The following SNX5 variants were observed in gnomAD, a reference collection of about 807,000 sequenced individuals.
The protein encoded by SNX5 is sorting nexin-5.
In SNX5, 31 loss-of-function variants were observed where a neutral mutation model predicts 53.9. That is an observed-to-expected ratio of 0.58 (90% CI 0.43 to 0.78). SNX5 has a LOEUF of 0.78. Among genes scored for constraint, SNX5 ranks in the 30% least tolerant of loss-of-function variants. The pLI is 0.00. For synonymous variants in SNX5, 168 were observed against 171.1 expected (o/e 0.98, Z 0.14); for missense variants, 471 against 478.8 (o/e 0.98, Z 0.15).
Position 17,942,310 on chromosome 20 carries a change from C to T in SNX5, c.*47G>A. ...GGTAATGATTTAAGTGCAAGTGATG[C>T]TTGGCTTTCTTTCACATTCATTTCT... On this transcript the variant is annotated 3_prime_UTR_variant, in exon 13 of 13. Transcript: ENST00000377759. The T allele has an allele frequency of 1.6e-6, 2 of 1,263,368 alleles. No individual in the cohort carries two copies. The highest frequency in any genetic ancestry group is 4.6e-5 in the East Asian group (2 of 43,216). 78.3% of individuals were successfully genotyped at this position (1,263,368 alleles called of 1,614,324 possible).
intron 11 of SNX5, 23 bp from the exon 12 acceptor site, chr20:17,943,218 T>C (rs779906522): frequency 4.0e-6 from 6 of 1,499,096 alleles, no homozygotes; most frequent in Middle Eastern, 1.7e-4. Flanking sequence ...AAAATGTTTA[T>C]GAAACCAAGA....
chr20:17,956,844 T>C (rs1042184080), intron 2 of SNX5, 89 bp downstream of exon 2: 2 of 767,116 alleles, frequency 2.6e-6, no homozygotes, highest in Non-Finnish European at 4.8e-6. Context: ...TAGCAACTGT[T>C]TCAAGCTCAG....
intron 1 of SNX5, chr20:17,961,457 G>A: frequency 1.0e-6 from 1 of 985,354 alleles, no homozygotes; most frequent in Non-Finnish European, 1.2e-6. Context: ...GTCCAAAGAA[G>A]TGAAACTCCA....
intron 11 of SNX5, chr20:17,947,006 A>T (rs1044632814): frequency 6.6e-6 from 1 of 152,604 alleles, no homozygotes; most frequent in South Asian, 2.1e-4. Context: ...TTGTAAAGAG[A>T]TTCTCTAAAA....
chr20:17,946,295 A>T (rs2122348854), intron 11 of SNX5, among the ~76,000 whole-genome samples: 1 of 152,346 alleles, frequency 6.6e-6, no homozygotes, highest in East Asian at 1.9e-4. Flanking sequence ...AGATACCCCG[A>T]AACGATGAGC....
At chr20:17,961,940 G>C in intron 1 of SNX5, 1 of 981,242 alleles carries the variant, frequency 1.0e-6, no homozygotes, top group Non-Finnish European at 1.2e-6. Context: ...AAGATGTTCT[G>C]TCACACTCTA....
rs59252584 is a variant in SNX5 at position 17,956,673 on chromosome 20, C to CAAA, written c.156+257_156+259dup. 7.6e-3 allele frequency among the ~76,000 whole-genome samples: 648 copies of CAAA among 84,776 alleles called. 23 individuals carry two copies. Among genetic ancestry groups the CAAA allele is most frequent in the Non-Finnish European group, 9.5e-3 (432 of 45,518 alleles). The allele number at this position is 84,776 out of a possible 152,430, so 55.6% of individuals were successfully genotyped here. ...CTGGGCAACACAATGAGACTGTCTC[C>CAAA]AAAAAAAAAAAAAAAAAAAAAAAAA... On this transcript the variant is annotated intron_variant, in intron 2 of 12. Coordinates refer to ENST00000377759, the MANE Select transcript of SNX5 (RefSeq NM_014426.4).
At chr20:17,958,181 CT>C (rs762983482) in intron 1 of SNX5, among the ~76,000 whole-genome samples, 1 of 152,162 alleles carries the variant, frequency 6.6e-6, no homozygotes, top group Non-Finnish European at 1.5e-5. Context: ...TGCCCCATTC[CT>C]TTTACTGTAA....
At chr20:17,961,185 G>A (rs2035442081) in intron 1 of SNX5, 26 of 985,396 alleles carry the variant, frequency 2.6e-5, no homozygotes, top group Non-Finnish European at 3.1e-5. Context: ...ACTGGCTGCA[G>A]GACAACCCTG....
rs1206324660 is a variant in SNX5, at chr20:17,951,347, T to C, written c.609+153A>G. The stretch of plus-strand genomic sequence containing the variant: ...GGTGCTCTGGGAAATAAGTGAAAAT[T>C]GAATAAGTAGATGAAAATTACCAAA... On this transcript the variant is annotated intron_variant, in intron 6 of 12. Transcript: ENST00000377759. 4 of 607,044 alleles carry C rather than the reference T, an allele frequency of 6.6e-6. No homozygotes were observed. The African/African-American group carries it at 7.4e-5, about 11-fold the overall frequency. 37.6% of individuals were successfully genotyped at this position (607,044 alleles called of 1,614,324 possible).
At chr20:17,962,433 G>A (rs944081060) in intron 1 of SNX5, among the ~76,000 whole-genome samples, 1 of 151,772 alleles carries the variant, frequency 6.6e-6, no homozygotes, top group African/African-American at 2.4e-5. Flanking sequence ...TCTAACTCCT[G>A]ACCTCGTGAT....
At chr20:17,947,930 A>G (rs1245392178) in intron 10 of SNX5, among the ~76,000 whole-genome samples, 1 of 152,264 alleles carries the variant, frequency 6.6e-6, no homozygotes, top group African/African-American at 2.4e-5. Context: ...AACTTTAAAA[A>G]TTAAATATTG....
chr20:17,957,432 CAA>C (rs11476332), intron 1 of SNX5, among the ~76,000 whole-genome samples: 142 of 118,990 alleles, frequency 1.2e-3, no homozygotes, highest in East Asian at 3.6e-3. Context: ...GAAACTGTCT[CAA>C]AAAAAAAAAA....
Position 17,948,880 on chromosome 20 carries a change from C to T in SNX5, c.918+10G>A, listed in dbSNP as rs892648234. On this transcript the variant is annotated intron_variant, in intron 10 of 12. Transcript: ENST00000377759. The stretch of plus-strand genomic sequence containing the variant: ...CACTGCTCTGAGAAGCTGAGCAACT[C>T]TCTTCCTACCTTAGCAGCTTCAATG... 6.2e-7 allele frequency: 1 copy of T among 1,610,056 alleles called. No homozygotes were observed. The highest frequency in any genetic ancestry group is 1.7e-5 in the Admixed American group (1 of 60,002).
intron 11 of SNX5, chr20:17,944,905 T>C (rs2039467452): frequency 6.6e-6 from 1 of 152,226 alleles, no homozygotes; most frequent in Admixed American, 6.5e-5. Context: ...CCATTGGAAA[T>C]TGGAACAAAC....
chr20:17,949,447 C>T (rs914149277), intron 8 of SNX5, among the ~76,000 whole-genome samples: 4 of 152,290 alleles, frequency 2.6e-5, no homozygotes, highest in African/African-American at 9.6e-5. Flanking sequence ...CTATTTAATT[C>T]GTCATGGTTC....
chr20:17,949,051 C>G lies in SNX5; in HGVS notation c.831+13G>C, dbSNP rs757477928. On this transcript the variant is annotated intron_variant, in intron 9 of 12. Transcript: ENST00000377759. ...AAAATATATATTATGAAGACCAACACAGAAATCCTTACCCTTAGTTTTTCA... is the reference window on the plus strand; with the variant it reads ...AAAATATATATTATGAAGACCAACAGAGAAATCCTTACCCTTAGTTTTTCA... 16 of 1,611,762 alleles carry G rather than the reference C, an allele frequency of 9.9e-6. No individual in the cohort carries two copies. The highest frequency in any genetic ancestry group is 1.8e-4 in the Middle Eastern group (1 of 5,556).
intron 10 of SNX5, among the ~76,000 whole-genome samples, chr20:17,948,610 A>C (rs2039519603): frequency 6.6e-6 from 1 of 152,214 alleles, no homozygotes; most frequent in African/African-American, 2.4e-5. Flanking sequence ...CTTGCAATTC[A>C]ATAAAAACTC....
chr20:17,956,292 C>A (rs1460320880), intron 2 of SNX5, among the ~76,000 whole-genome samples: 1 of 152,320 alleles, frequency 6.6e-6, no homozygotes, highest in African/African-American at 2.4e-5. Context: ...TTTTACACTA[C>A]CTCCGGAATA....
Sources: allele counts gnomAD v4.1 joint callset (sites outside exome capture counted in the v4.1 genomes callset), GRCh38; gene constraint gnomAD v4.1.1; transcripts MANE v1.5; gene names NCBI Gene and HGNC (gene_info 2026-07-23, HGNC 2026-07-21).